The following EGFR variants were observed in gnomAD, a reference collection of about 807,000 sequenced individuals.
EGFR encodes the protein avian erythroblastic leukemia viral (v-erb-b) oncogene homolog.
A neutral mutation model predicts 143.0 loss-of-function variants in EGFR; 58 were observed. The observed-to-expected ratio is 0.41, with a 90% CI of 0.33 to 0.50. EGFR has a LOEUF of 0.50. Ranked by LOEUF, EGFR falls within the 20% of genes least tolerant of loss-of-function variation. The pLI is 0.39. For missense variants in EGFR, 1,307 were observed against 1,579.0 expected (o/e 0.83, Z 2.92); for synonymous variants, 613 against 594.4 (o/e 1.03, Z -0.45).
In EGFR at chr7:55,173,038, G is replaced by C. The variant is rs201580890; in HGVS notation, c.1975G>C (p.Val659Leu). The C allele has an allele frequency of 1.9e-6, 3 of 1,614,044 alleles. No homozygotes were observed. The highest frequency in any genetic ancestry group is 1.3e-5 in the African/African-American group (1 of 75,034). ...GGTGGGGGCCCTCCTCTTGCTGCTG[G>C]TGGTGGCCCTGGGGATCGGCCTCTT... ...GMVGALLLLL[V>L]VALGIGLFMR... The change falls in exon 17 of 28, where the codon GTG (valine) becomes CTG (leucine). Residue 659 changes from valine (V) to leucine (L), a missense_variant. Physicochemically the swap from Val to Leu is conservative, Grantham distance 32. Coordinates refer to ENST00000275493, the MANE Select transcript of EGFR (RefSeq NM_005228.5).
intron 1 of EGFR, among the ~76,000 whole-genome samples, chr7:55,128,625 T>C (rs1793665084): frequency 6.6e-6 from 1 of 152,250 alleles, no homozygotes; most frequent in Non-Finnish European, 1.5e-5. Flanking sequence ...ATGGCAATGA[T>C]ATCTTTTCTT....
At chr7:55,087,782 G>A (rs536252218) in intron 1 of EGFR, among the ~76,000 whole-genome samples, 17 of 152,252 alleles carry the variant, frequency 1.1e-4, no homozygotes, top group African/African-American at 3.4e-4. Flanking sequence ...CAACAGCTGA[G>A]GCCTACAGGA....
chr7:55,081,573 G>A (rs1207856615), intron 1 of EGFR, among the ~76,000 whole-genome samples: 1 of 152,084 alleles, frequency 6.6e-6, no homozygotes, highest in South Asian at 2.1e-4. Context: ...TCTGCCCCTC[G>A]GTCTCTCCAT....
At chr7:55,049,566 G>A (rs932306868) in intron 1 of EGFR, among the ~76,000 whole-genome samples, 1 of 151,948 alleles carries the variant, frequency 6.6e-6, no homozygotes, top group African/African-American at 2.4e-5. Context: ...TGTATCTGGG[G>A]GGCCTTGCTG....
rs142870179 is a variant in EGFR at position 55,181,506 on chromosome 7, G to C, written c.2469+28G>C. The stretch of plus-strand genomic sequence containing the variant: ...AATCAGGGAAGGGAGATACGGGGAG[G>C]GGAGATAAGGAGCCAGGATCCTCAC... On this transcript the variant is annotated intron_variant, in intron 20 of 27. Coordinates refer to ENST00000275493, the MANE Select transcript of EGFR (RefSeq NM_005228.5). 1.6e-4 allele frequency: 262 copies of C among 1,614,134 alleles called. 1 individual carries two copies. In the African/African-American group the frequency reaches 3.3e-3, roughly 20 times the overall value.
chr7:55,201,104 G>A (rs2128971298), intron 24 of EGFR, 84 bp from the exon 25 acceptor site: 1 of 1,575,414 alleles, frequency 6.3e-7, no homozygotes, highest in Non-Finnish European at 8.7e-7. Flanking sequence ...GGCACCTGCT[G>A]GCAATAGACC....
At chr7:55,061,498 T>A (rs1196178938) in intron 1 of EGFR, among the ~76,000 whole-genome samples, 1 of 152,194 alleles carries the variant, frequency 6.6e-6, no homozygotes, top group Non-Finnish European at 1.5e-5. Context: ...TCTCCTCGTC[T>A]CACACCTCTT....
intron 1 of EGFR, chr7:55,109,702 T>C: frequency 7.1e-6 from 7 of 984,100 alleles, no homozygotes; most frequent in Non-Finnish European, 8.4e-6. Flanking sequence ...GTATAAACTT[T>C]TGACTCACAG....
intron 15 of EGFR, chr7:55,168,653 A>G: frequency 6.9e-7 from 1 of 1,441,360 alleles, no homozygotes; most frequent in South Asian, 1.3e-5. Context: ...AATTTTATAA[A>G]TATTTTCTTT....
chr7:55,074,961 A>G (rs3800827), intron 1 of EGFR, among the ~76,000 whole-genome samples: 38,358 of 152,136 alleles, frequency 0.25, 6,655 homozygotes, highest in East Asian at 0.88. Context: ...TAAAACAATC[A>G]CATTCATGGA....
intron 1 of EGFR, among the ~76,000 whole-genome samples, chr7:55,085,390 G>A (rs997646965): frequency 2.6e-5 from 4 of 152,222 alleles, no homozygotes; most frequent in Non-Finnish European, 4.4e-5. Flanking sequence ...GAGGCAGCAT[G>A]GGGAGCAGGA....
chr7:55,057,624 T>C (rs1232780723), intron 1 of EGFR, among the ~76,000 whole-genome samples: 1 of 152,218 alleles, frequency 6.6e-6, no homozygotes, highest in Non-Finnish European at 1.5e-5. Context: ...TTGTGCAAAA[T>C]GCAGTTTTAC....
Position 55,190,003 on chromosome 7 carries a change from C to T in EGFR, c.2470-1716C>T, listed in dbSNP as rs138708961. Among the ~76,000 whole-genome samples the T allele has an allele frequency of 4.1e-3, 629 of 152,272 alleles. 7 individuals carry two copies. Among genetic ancestry groups the T allele is most frequent in the African/African-American group, 0.015 (607 of 41,548 alleles). ...TACCAGGCAGAGAGCAAGTCAGCAT[C>T]GCAGGAGTCAAACGAGGCAGACAGC... On this transcript the variant is annotated intron_variant, in intron 20 of 27. Transcript: ENST00000275493.
intron 1 of EGFR, among the ~76,000 whole-genome samples, chr7:55,083,697 A>G (rs541565465): frequency 8.5e-4 from 130 of 152,350 alleles, no homozygotes; most frequent in African/African-American, 3.1e-3. Flanking sequence ...CTGAAAAAAA[A>G]TGGCTACTTA....
intron 16 of EGFR, among the ~76,000 whole-genome samples, chr7:55,172,359 AGGATTAAATGC>A (rs1786391038): frequency 6.6e-6 from 1 of 151,994 alleles, no homozygotes; most frequent in Non-Finnish European, 1.5e-5. Context: ...TGTGGGAGGG[AGGATTAAATGC>A]ACCCTACAGT....
intron 7 of EGFR, 117 bp downstream of exon 7, chr7:55,154,269 C>T (rs2128935451): frequency 1.3e-6 from 2 of 1,515,460 alleles, no homozygotes; most frequent in Non-Finnish European, 1.8e-6. Flanking sequence ...GTTTGCCTTG[C>T]TTGGAGGAGG....
At position 55,209,494 on chromosome 7, in the gene EGFR, G is replaced by A. The variant is rs1478496722; in HGVS notation, c.*3877G>A. On this transcript the variant is annotated 3_prime_UTR_variant, in exon 28 of 28. Transcript: ENST00000275493. Reference sequence around the variant, plus strand: ...TAGAAACCAGTCTCTTCCCTCCTTTGTGAGTGAGCTGCTATTCCACGTAGG... The same window carrying A: ...TAGAAACCAGTCTCTTCCCTCCTTTATGAGTGAGCTGCTATTCCACGTAGG... 6.6e-6 allele frequency: 1 copy of A among 152,234 alleles called. No homozygotes were observed. The highest frequency in any genetic ancestry group is 1.5e-5 in the Non-Finnish European group (1 of 68,048). 9.4% of individuals were successfully genotyped at this position (152,234 alleles called of 1,614,324 possible).
At chr7:55,196,419 T>C (rs1335842846) in intron 22 of EGFR, among the ~76,000 whole-genome samples, 3 of 152,132 alleles carry the variant, frequency 2.0e-5, no homozygotes, top group Non-Finnish European at 1.5e-5. Flanking sequence ...TGCTGGTTAT[T>C]AGACCCTTCT....
intron 1 of EGFR, among the ~76,000 whole-genome samples, chr7:55,099,631 G>A (rs1283040339): frequency 6.6e-6 from 1 of 152,166 alleles, no homozygotes; most frequent in Admixed American, 6.5e-5. Flanking sequence ...TCAGAGAGGC[G>A]TCCAGCTGTG....
Sources: gnomAD v4.1 joint callset for allele counts (sites outside exome capture counted in the v4.1 genomes callset) on GRCh38, gnomAD v4.1.1 for gene constraint, MANE v1.5 for transcripts, NCBI Gene and HGNC (gene_info 2026-07-23, HGNC 2026-07-21) for gene names.